The following CHD6 variants were observed in gnomAD, a reference collection of about 807,000 sequenced individuals.
The protein encoded by CHD6 is chromodomain helicase DNA binding protein 6.
A neutral mutation model predicts 276.9 loss-of-function variants in CHD6; 50 were observed. The ratio of observed to expected loss-of-function variants is 0.18; its 90% CI spans 0.14 to 0.23. The LOEUF (loss-of-function observed/expected upper bound fraction) is 0.23, where lower values mean the gene tolerates loss of function less well. Ranked by LOEUF, CHD6 falls within the 10% of genes least tolerant of loss-of-function variation. CHD6 has a pLI of 1.00. For missense variants in CHD6, 2,564 were observed against 3,365.8 expected (o/e 0.76, Z 5.89); for synonymous variants, 1,173 against 1,229.3 (o/e 0.95, Z 0.96).
chr20:41,565,335 C>A (rs1452207378), intron 1 of CHD6, among the ~76,000 whole-genome samples: 1 of 152,084 alleles, frequency 6.6e-6, no homozygotes, highest in Non-Finnish European at 1.5e-5. Flanking sequence ...ACCTCATGAT[C>A]CACCCGCCTC....
At chr20:41,499,729 T>C (rs2145903483) in intron 5 of CHD6, among the ~76,000 whole-genome samples, 1 of 152,346 alleles carries the variant, frequency 6.6e-6, no homozygotes, top group Middle Eastern at 3.4e-3. Context: ...TTAGTTCTAA[T>C]ATCTACCAGC....
At chr20:41,444,882 G>A (rs2145623297) in intron 25 of CHD6, among the ~76,000 whole-genome samples, 1 of 152,298 alleles carries the variant, frequency 6.6e-6, no homozygotes, top group South Asian at 2.1e-4. Context: ...AGTAAGTAGT[G>A]GAGTTGATAG....
intron 31 of CHD6, among the ~76,000 whole-genome samples, chr20:41,418,323 G>C (rs1434332369): frequency 6.6e-6 from 1 of 152,174 alleles, no homozygotes; most frequent in African/African-American, 2.4e-5. Context: ...TAGGGAACAA[G>C]AGGGAAGAAC....
At position 41,421,674 on chromosome 20, in the gene CHD6, GACTCTGAAGTCCT is replaced by G; in HGVS notation, c.4948_4960del (p.Arg1650ProfsTer9). 1 of 1,613,358 alleles carries G rather than the reference GACTCTGAAGTCCT, an allele frequency of 6.2e-7. No individual in the cohort carries two copies. The highest frequency in any genetic ancestry group is 8.5e-7 in the Non-Finnish European group (1 of 1,179,504). On this transcript the variant is annotated frameshift_variant, in exon 31 of 37. Coordinates refer to ENST00000373233, the MANE Select transcript of CHD6 (RefSeq NM_032221.5). LOFTEE classifies it high-confidence loss of function. ...TAGATTTTCAGGTTCATTTTCAAGG[GACTCTGAAGTCCT>G]ACTCATTTGAGAATATGTAAGAGAT...
At chr20:41,485,941 G>A (rs932929927) in intron 14 of CHD6, 3 of 151,386 alleles carry the variant, frequency 2.0e-5, no homozygotes, top group Non-Finnish European at 2.9e-5. Flanking sequence ...ATATTTTGTC[G>A]ATTAAAAAAA....
chr20:41,547,653 T>C, intron 2 of CHD6: 1 of 714,302 alleles, frequency 1.4e-6, no homozygotes. Context: ...ACCTTCTGCC[T>C]CTGCCCTAAT....
At chr20:41,558,718 C>T (rs150169925) in intron 1 of CHD6, among the ~76,000 whole-genome samples, 1 of 152,144 alleles carries the variant, frequency 6.6e-6, no homozygotes. Flanking sequence ...CTCTCTCCCC[C>T]TTCTCAGTCA....
intron 1 of CHD6, among the ~76,000 whole-genome samples, chr20:41,609,687 A>T (rs1168167518): frequency 6.6e-6 from 1 of 152,166 alleles, no homozygotes; most frequent in African/African-American, 2.4e-5. Context: ...CTCATGCTTC[A>T]AGAGTCACTG....
intron 8 of CHD6, among the ~76,000 whole-genome samples, chr20:41,496,226 C>T (rs977657787): frequency 1.3e-5 from 2 of 152,162 alleles, no homozygotes; most frequent in African/African-American, 4.8e-5. Flanking sequence ...ATGTTTTCTC[C>T]CTAGAACTGC....
intron 26 of CHD6, among the ~76,000 whole-genome samples, chr20:41,438,313 G>T (rs973528729): frequency 6.6e-6 from 1 of 152,124 alleles, no homozygotes; most frequent in Admixed American, 6.5e-5. Context: ...TTTGAGGGTG[G>T]GTGCAGTGGC....
intron 1 of CHD6, among the ~76,000 whole-genome samples, chr20:41,604,216 T>C (rs1022058605): frequency 2.6e-5 from 4 of 152,088 alleles, no homozygotes; most frequent in African/African-American, 9.7e-5. Context: ...GCTGAGTGTA[T>C]GGCTGGAAAT....
At chr20:41,499,429 T>A in intron 5 of CHD6, 72 bp from the exon 6 acceptor site, 1 of 1,192,924 alleles carries the variant, frequency 8.4e-7, no homozygotes, top group Non-Finnish European at 1.2e-6. Flanking sequence ...CTGTAAGAAA[T>A]ACTACAATGG....
At chr20:41,505,613 G>A (rs1339612048) in intron 5 of CHD6, among the ~76,000 whole-genome samples, 1 of 152,096 alleles carries the variant, frequency 6.6e-6, no homozygotes, top group Non-Finnish European at 1.5e-5. Flanking sequence ...GCTATTTGAT[G>A]CCTTTAAAAA....
In CHD6 at chr20:41,457,293, C is replaced by G. The variant is rs368245930; in HGVS notation, c.2800G>C (p.Asp934His). 2.6e-5 allele frequency: 42 copies of G among 1,613,922 alleles called. No homozygotes were observed. The highest frequency in any genetic ancestry group is 1.7e-4 in the Admixed American group (10 of 60,012). ...KLGLDKAVLQ[D>H]INRKGGTNGV... ...TTGGTGCCGCCCTTTCGGTTGATGT[C>G]CTGAAGAACAGCCTTGTCCAGCCCC... The change falls in exon 18 of 37, where the codon GAC becomes CAC. Residue 934 changes from aspartate to histidine, a missense_variant. This residue lies in a region of CHD6 where 457 missense variants were observed against 889.0 expected (regional missense o/e 0.51). Transcript: ENST00000373233.
At position 41,421,370 on chromosome 20, in the gene CHD6, A is replaced by G. The variant is rs991384947; in HGVS notation, c.5265T>C (p.Ala1755=). The G allele has an allele frequency of 6.2e-7, 1 of 1,614,094 alleles. No individual in the cohort carries two copies. The highest frequency in any genetic ancestry group is 1.3e-5 in the African/African-American group (1 of 75,062). ...CQSGGPEAEI[A]SGPTFMGSLE... Reference sequence around the variant, plus strand: ...AGCTACCCATAAAAGTAGGGCCAGAAGCTATTTCTGCCTCAGGGCCACCAG... The same window carrying G: ...AGCTACCCATAAAAGTAGGGCCAGAGGCTATTTCTGCCTCAGGGCCACCAG... Residue 1755 remains alanine (A), a synonymous_variant, in exon 31 of 37, where the codon GCT becomes GCC. Coordinates refer to ENST00000373233, the MANE Select transcript of CHD6 (RefSeq NM_032221.5).
chr20:41,493,005 C>G (rs1161404161), intron 10 of CHD6, among the ~76,000 whole-genome samples: 1 of 152,134 alleles, frequency 6.6e-6, no homozygotes, highest in East Asian at 1.9e-4. Context: ...CCTGGGAGAT[C>G]TTGGCAGTTG....
At chr20:41,459,643 C>G (rs934895985) in intron 17 of CHD6, among the ~76,000 whole-genome samples, 1 of 152,230 alleles carries the variant, frequency 6.6e-6, no homozygotes, top group African/African-American at 2.4e-5. Flanking sequence ...GCTTCTTCCT[C>G]ATTTTTCTCT....
chr20:41,611,553 G>A (rs949612267), intron 1 of CHD6, among the ~76,000 whole-genome samples: 2 of 152,072 alleles, frequency 1.3e-5, no homozygotes, highest in Non-Finnish European at 2.9e-5. Context: ...AGCATAGCTT[G>A]TTAAAACACA....
At chr20:41,433,406 T>C (rs2047605210) in intron 27 of CHD6, among the ~76,000 whole-genome samples, 1 of 152,120 alleles carries the variant, frequency 6.6e-6, no homozygotes, top group South Asian at 2.1e-4. Flanking sequence ...ACTGCTTGAA[T>C]GACAGATTTC....
Sources: allele counts gnomAD v4.1 joint callset (sites outside exome capture counted in the v4.1 genomes callset), GRCh38; gene constraint gnomAD v4.1.1; regional missense constraint gnomAD v4.1.1; transcripts MANE v1.5; gene names NCBI Gene and HGNC (gene_info 2026-07-23, HGNC 2026-07-21).